The following FARSA variants were observed in gnomAD, a reference collection of about 807,000 sequenced individuals.
FARSA encodes the protein phenylalanine--tRNA ligase alpha subunit.
In FARSA, 37 loss-of-function variants were observed where a neutral mutation model predicts 63.2. That is an observed-to-expected ratio of 0.59 (90% confidence interval 0.45 to 0.77). FARSA has a LOEUF of 0.77. Ranked by LOEUF, FARSA falls within the 30% of genes least tolerant of loss-of-function variation. FARSA has a pLI of 0.00. For missense variants in FARSA, 618 were observed against 696.6 expected (o/e 0.89, Z 1.27); for synonymous variants, 312 against 285.1 (o/e 1.09, Z -0.95).
Position 12,922,694 on chromosome 19 carries a change from A to G in FARSA, c.*54T>C, listed in dbSNP as rs772871450. On this transcript the variant is annotated 3_prime_UTR_variant, in exon 13 of 13. Transcript: ENST00000314606. ...ACAAGGTCACTGGCCAGGGATGCAAAGGAGCGCAGCAGCAGGGACTCGGGG... is the reference window on the plus strand; with the variant it reads ...ACAAGGTCACTGGCCAGGGATGCAAGGGAGCGCAGCAGCAGGGACTCGGGG... 2 of 1,604,532 alleles carry G rather than the reference A, an allele frequency of 1.2e-6. No individual in the cohort carries two copies. Among genetic ancestry groups the G allele is most frequent in the African/African-American group, 2.7e-5 (2 of 74,782 alleles).
chr19:12,928,428 A>G lies in FARSA; in HGVS notation c.755T>C (p.Ile252Thr), dbSNP rs750867053. The change falls in exon 7 of 13, where the codon ATT becomes ACT. Residue 252 changes from isoleucine (I) to threonine (T), a missense_variant. Coordinates refer to ENST00000314606, the MANE Select transcript of FARSA (RefSeq NM_004461.3). ...GTCAAAGTTCCAGAAGGAGCTCTCA[A>G]TGAAGTTATCAGTCGGCATCTCGGT... ...GFTEMPTDNF[I>T]ESSFWNFDAL... 1.7e-5 allele frequency: 28 copies of G among 1,613,932 alleles called. No individual in the cohort carries two copies. Among genetic ancestry groups the G allele is most frequent in the South Asian group, 5.5e-5 (5 of 91,072 alleles).
Position 12,922,862 on chromosome 19 carries a change from G to C in FARSA, c.1413C>G (p.Ile471Met). 1 of 1,614,148 alleles carries C rather than the reference G, an allele frequency of 6.2e-7. No individual in the cohort carries two copies. Among genetic ancestry groups the C allele is most frequent in the South Asian group, 1.1e-5 (1 of 91,082 alleles). ...LERPTMIKYG[I>M]NNIRELVGHK... ...GGCCCACCAGCTCCCGGATATTGTT[G>C]ATGCCATATTTGATCATCGTTGGGC... is the stretch of plus-strand genomic sequence containing the variant. Residue 471 changes from isoleucine (I) to methionine (M), a missense_variant, in exon 13 of 13, where the codon ATC becomes ATG. Coordinates refer to ENST00000314606, the MANE Select transcript of FARSA (RefSeq NM_004461.3).
chr19:12,931,235 G>C (rs554739910), intron 1 of FARSA, among the ~76,000 whole-genome samples: 2 of 152,094 alleles, frequency 1.3e-5, no homozygotes, highest in Non-Finnish European at 2.9e-5. Flanking sequence ...GGGACTACAG[G>C]CATGTGCCGC....
chr19:12,932,033 TA>T (rs1311189038), intron 1 of FARSA, among the ~76,000 whole-genome samples: 2 of 138,508 alleles, frequency 1.4e-5, no homozygotes, highest in African/African-American at 2.5e-5. Flanking sequence ...AAACACTGCA[TA>T]AATTTTTTTT....
intron 7 of FARSA, among the ~76,000 whole-genome samples, chr19:12,926,414 G>T (rs1425208325): frequency 6.6e-6 from 1 of 151,954 alleles, no homozygotes; most frequent in Non-Finnish European, 1.5e-5. Context: ...TGGGACTACA[G>T]GCGCCCGCCA....
Position 12,926,284 on chromosome 19 carries a change from T to C in FARSA, c.842-1110A>G, listed in dbSNP as rs548184393. On this transcript the variant is annotated intron_variant, in intron 7 of 12. Coordinates refer to ENST00000314606, the MANE Select transcript of FARSA (RefSeq NM_004461.3). ...TTTTTTAAAGGGACAAAATTTTTTTTTTTTTTAGACGGAGTCTCGCTCAGT... is the reference window on the plus strand; with the variant it reads ...TTTTTTAAAGGGACAAAATTTTTTTCTTTTTTAGACGGAGTCTCGCTCAGT... 4.1e-5 allele frequency among the ~76,000 whole-genome samples: 6 copies of C among 146,808 alleles called. No individual in the cohort carries two copies. The East Asian group carries it at 1.2e-3, about 30-fold the overall frequency.
In FARSA at chr19:12,924,261, C is replaced by T; in HGVS notation, c.1278G>A (p.Leu426=). Residue 426 remains leucine (L), a synonymous_variant, in exon 12 of 13, where the codon CTG becomes CTA. Transcript: ENST00000314606. This position sits in a 1 kb window ranked among gnomAD's most constrained non-coding sequence, Gnocchi z 6.4. Reference sequence around the variant, plus strand: ...AGTTTCCGACCTCCACCCACTTCTTCAGGCCTGCAGAGGCAGGACAGAAAA... The same window carrying T: ...AGTTTCCGACCTCCACCCACTTCTTTAGGCCTGCAGAGGCAGGACAGAAAA... ...SMEVFSYHQG[L]KKWVEVGNSG... is the part of the protein sequence containing the mutation. The T allele has an allele frequency of 6.2e-7, 1 of 1,613,928 alleles. No individual in the cohort carries two copies. The highest frequency in any genetic ancestry group is 8.5e-7 in the Non-Finnish European group (1 of 1,179,856).
In FARSA at chr19:12,928,582, C is replaced by A. The variant is rs763725159; in HGVS notation, c.678G>T (p.Pro226=). 3 of 1,613,612 alleles carry A rather than the reference C, an allele frequency of 1.9e-6. No individual in the cohort carries two copies. Among genetic ancestry groups the A allele is most frequent in the Non-Finnish European group, 2.5e-6 (3 of 1,179,792 alleles). ...GVLPDSGHLH[P]LLKVRSQFRQ... ...GGAACTGGGAGCGGACCTTGAGCAG[C>A]GGGTGAAGGTGGCCGCTGTCGGGGA... The change falls in exon 6 of 13, where the codon CCG becomes CCT. Residue 226 remains proline, a synonymous_variant. Transcript: ENST00000314606.
At chr19:12,928,966 CTGACATTT>C in intron 4 of FARSA, 119 bp from the exon 5 acceptor site, 1 of 864,592 alleles carries the variant, frequency 1.2e-6, no homozygotes, top group South Asian at 1.4e-5. Context: ...TATTTCCATC[CTGACATTT>C]ATCACTACCT....
At chr19:12,923,881 G>T (rs146855012) in intron 12 of FARSA, among the ~76,000 whole-genome samples, 13 of 152,338 alleles carry the variant, frequency 8.5e-5, no homozygotes, top group African/African-American at 2.9e-4. Context: ...CACAGCACTG[G>T]GATGACAGGC....
intron 7 of FARSA, among the ~76,000 whole-genome samples, chr19:12,926,235 G>A (rs1971325284): frequency 6.7e-6 from 1 of 149,794 alleles, no homozygotes; most frequent in Non-Finnish European, 1.5e-5. Flanking sequence ...ACAGGCGTGA[G>A]CCACCGCGCC....
chr19:12,929,807 G>A (rs765427335), intron 4 of FARSA, among the ~76,000 whole-genome samples: 4 of 152,142 alleles, frequency 2.6e-5, no homozygotes, highest in Non-Finnish European at 1.5e-5. Flanking sequence ...GTGAGAGGAC[G>A]GCCCCTAGCC....
chr19:12,928,688 T>C, intron 5 of FARSA, 25 bp from the exon 6 acceptor site: 1 of 1,613,518 alleles, frequency 6.2e-7, no homozygotes, highest in East Asian at 2.2e-5. Context: ...AAGGGCCTGG[T>C]AAGGGCTGCC....
At chr19:12,927,836 A>C (rs1425303969) in intron 7 of FARSA, among the ~76,000 whole-genome samples, 1 of 151,556 alleles carries the variant, frequency 6.6e-6, no homozygotes, top group Admixed American at 6.6e-5. Flanking sequence ...ACCCTGGCCA[A>C]CATGGCAAAA....
rs1459846631 is a variant in FARSA, at chr19:12,929,065, T to C, written c.504-218A>G. The stretch of plus-strand genomic sequence containing the variant: ...CAACACTTACTGAGAACCTAATGTG[T>C]GCCAGGGTCTGTTCAAGGTGCTAAG... On this transcript the variant is annotated intron_variant, in intron 4 of 12. Transcript: ENST00000314606. Among the ~76,000 whole-genome samples, 3 of 152,194 alleles carry C rather than the reference T, an allele frequency of 2.0e-5. No homozygotes were observed. The East Asian group carries it at 5.8e-4, about 29-fold the overall frequency.
chr19:12,929,182 A>G lies in FARSA; in HGVS notation c.504-335T>C, dbSNP rs933231546. 2.0e-5 allele frequency among the ~76,000 whole-genome samples: 3 copies of G among 152,140 alleles called. No homozygotes were observed. The South Asian group carries it at 6.2e-4, about 31-fold the overall frequency. On this transcript the variant is annotated intron_variant, in intron 4 of 12. Coordinates refer to ENST00000314606, the MANE Select transcript of FARSA (RefSeq NM_004461.3). ...AAAAGTCTCCCCACAAGCCCCGGAA[A>G]GAGGGCAGTTTTTTTTATTTGTTTG...
Position 12,930,693 on chromosome 19 carries a change from C to T in FARSA, c.204G>A (p.Glu68=). 6.2e-7 allele frequency: 1 copy of T among 1,613,342 alleles called. No homozygotes were observed. The highest frequency in any genetic ancestry group is 8.5e-7 in the Non-Finnish European group (1 of 1,180,026). ...CATGGCTGCCCTCCCGGGCAATCTC[C>T]TCGCCCTCCGCAGTAAGCTCCCAGT... ...TKHWELTAEG[E]EIAREGSHEA... Residue 68 remains glutamate (E), a synonymous_variant, in exon 2 of 13, where the codon GAG becomes GAA. Coordinates refer to ENST00000314606, the MANE Select transcript of FARSA (RefSeq NM_004461.3).
rs1204356000 is a variant in FARSA at position 12,924,245 on chromosome 19, C to A, written c.1294G>T (p.Val432Phe). ...GGACGGAAGACCCCCGAGTTTCCGA[C>A]CTCCACCCACTTCTTCAGGCCTGCA... ...YHQGLKKWVE[V>F]GNSGVFRPEM... The change falls in exon 12 of 13, where the codon GTC becomes TTC. Residue 432 changes from valine to phenylalanine, a missense_variant. By Grantham distance (50) the Val-to-Phe change is conservative. Transcript: ENST00000314606. The surrounding 1 kb of genome is among the most constrained non-coding windows in gnomAD (Gnocchi z 6.4). 1.2e-6 allele frequency: 2 copies of A among 1,614,144 alleles called. No homozygotes were observed. The highest frequency in any genetic ancestry group is 2.2e-5 in the South Asian group (2 of 91,082).
intron 1 of FARSA, among the ~76,000 whole-genome samples, chr19:12,931,153 T>C (rs1971390168): frequency 6.6e-6 from 1 of 152,206 alleles, no homozygotes; most frequent in Non-Finnish European, 1.5e-5. Flanking sequence ...CTGGGTGCAG[T>C]GGTGTGATCA....
Sources: allele counts gnomAD v4.1 joint callset (sites outside exome capture counted in the v4.1 genomes callset), GRCh38; gene constraint gnomAD v4.1.1; non-coding constraint Gnocchi (gnomAD v3.1); transcripts MANE v1.5; gene names NCBI Gene and HGNC (gene_info 2026-07-23, HGNC 2026-07-21).